The following SLC41A2 variants were observed in gnomAD, a reference collection of about 807,000 sequenced individuals.
SLC41A2 encodes solute carrier family 41 member 2, also known as SLC41A1-like 1.
A neutral mutation model predicts 58.3 loss-of-function variants in SLC41A2; 32 were observed. The ratio of observed to expected loss-of-function variants is 0.55; its 90% CI spans 0.41 to 0.74. The LOEUF is 0.74. Ranked by LOEUF, SLC41A2 falls within the 30% of genes least tolerant of loss-of-function variation. The probability of loss-of-function intolerance (pLI) is 0.00; values close to 1 mark genes in which losing one functional copy is unlikely to be tolerated. For missense variants in SLC41A2, 514 were observed against 680.6 expected (o/e 0.76, Z 2.72); for synonymous variants, 190 against 235.0 (o/e 0.81, Z 1.75).
chr12:104,850,467 T>A (rs2042758264), intron 8 of SLC41A2, among the ~76,000 whole-genome samples: 1 of 152,188 alleles, frequency 6.6e-6, no homozygotes, highest in South Asian at 2.1e-4. Context: ...ATCACCTATA[T>A]ATTGCCGGAT....
At chr12:104,926,560 C>T (rs2046848328) in intron 2 of SLC41A2, among the ~76,000 whole-genome samples, 2 of 150,994 alleles carry the variant, frequency 1.3e-5, no homozygotes, top group Admixed American at 1.3e-4. Context: ...TGCACTCCAG[C>T]CTGGGTGACA....
chr12:104,809,064 C>T (rs531104665), intron 10 of SLC41A2, among the ~76,000 whole-genome samples: 11 of 152,294 alleles, frequency 7.2e-5, no homozygotes, highest in Middle Eastern at 3.4e-3. Flanking sequence ...AGTTACTCAA[C>T]CTTTCTGACT....
chr12:104,894,045 AT>A (rs1273446777), intron 4 of SLC41A2, among the ~76,000 whole-genome samples: 1 of 152,212 alleles, frequency 6.6e-6, no homozygotes, highest in Non-Finnish European at 1.5e-5. Context: ...GGGGGGATGG[AT>A]ATACCATTTT....
chr12:104,839,837 C>T (rs1337108912), intron 10 of SLC41A2, among the ~76,000 whole-genome samples: 1 of 152,094 alleles, frequency 6.6e-6, no homozygotes, highest in Non-Finnish European at 1.5e-5. Context: ...AATCTTTTTG[C>T]CTCTTATAGG....
intron 10 of SLC41A2, among the ~76,000 whole-genome samples, chr12:104,831,434 T>G (rs2042032114): frequency 6.6e-6 from 1 of 152,186 alleles, no homozygotes; most frequent in Non-Finnish European, 1.5e-5. Flanking sequence ...ACAGTCATGC[T>G]CCAAATAATG....
intron 3 of SLC41A2, among the ~76,000 whole-genome samples, chr12:104,901,143 G>A (rs1205225985): frequency 6.6e-6 from 1 of 152,056 alleles, no homozygotes; most frequent in Non-Finnish European, 1.5e-5. Context: ...AGTAGAAAAG[G>A]ACTAATCAAA....
At chr12:104,874,178 A>G (rs1476284741) in intron 6 of SLC41A2, among the ~76,000 whole-genome samples, 1 of 148,226 alleles carries the variant, frequency 6.7e-6, no homozygotes, top group Middle Eastern at 3.6e-3. Flanking sequence ...GGTTCACACC[A>G]TTCTCCTGCC....
chr12:104,881,146 G>T (rs528847615), intron 6 of SLC41A2, among the ~76,000 whole-genome samples: 25 of 152,010 alleles, frequency 1.6e-4, no homozygotes, highest in Non-Finnish European at 3.5e-4. Context: ...GTATTTCTGT[G>T]GGATTGGTGG....
Position 104,844,582 on chromosome 12 carries a change from C to A in SLC41A2, c.1426G>T (p.Val476Leu). The change falls in exon 10 of 11, where the codon GTG becomes TTG. Residue 476 changes from valine (V) to leucine (L), a missense_variant. Coordinates refer to ENST00000258538, the MANE Select transcript of SLC41A2 (RefSeq NM_001352171.3). Reference sequence around the variant, plus strand: ...AGGAAAATTAAATGTCCAGGAATCACTAAAAGCAGTAGAACTTGAGCAGAC... The same window carrying A: ...AGGAAAATTAAATGTCCAGGAATCAATAAAAGCAGTAGAACTTGAGCAGAC... The part of the protein sequence containing the change: ...NKSAQVLLLL[V>L]IPGHLIFLYT... 1 of 1,562,892 alleles carries A rather than the reference C, an allele frequency of 6.4e-7. No individual in the cohort carries two copies. Among genetic ancestry groups the A allele is most frequent in the East Asian group, 2.3e-5 (1 of 42,894 alleles).
intron 8 of SLC41A2, among the ~76,000 whole-genome samples, chr12:104,853,911 A>ATTATTATTATTATTATTTTTTTTTTTTT: frequency 2.2e-4 from 13 of 59,492 alleles, no homozygotes; most frequent in Non-Finnish European, 2.9e-4. Context: ...TGCCTGGCTG[A>ATTATTATTATTATTATTTTTTTTTTTTT]TTTTTTTTTT....
At position 104,860,389 on chromosome 12, in the gene SLC41A2, T is replaced by C. The variant is rs1258894168; in HGVS notation, c.1255+902A>G. 2.0e-5 allele frequency among the ~76,000 whole-genome samples: 3 copies of C among 146,856 alleles called. No individual in the cohort carries two copies. In the East Asian group the frequency reaches 5.9e-4, roughly 29 times the overall value. Reference sequence around the variant, plus strand: ...CGTTCTGCACATGTATCCCAGAACTTAAACTAAAAAAAAAAAAAAAAATCC... The same window carrying C: ...CGTTCTGCACATGTATCCCAGAACTCAAACTAAAAAAAAAAAAAAAAATCC... On this transcript the variant is annotated intron_variant, in intron 8 of 10. Coordinates refer to ENST00000258538, the MANE Select transcript of SLC41A2 (RefSeq NM_001352171.3).
intron 1 of SLC41A2, among the ~76,000 whole-genome samples, chr12:104,951,735 A>C (rs975623719): frequency 6.6e-6 from 1 of 151,640 alleles, no homozygotes; most frequent in Non-Finnish European, 1.5e-5. Flanking sequence ...CATTAAGCTC[A>C]TATGATTGAT....
intron 8 of SLC41A2, chr12:104,851,755 A>G (rs1318231514): frequency 1.3e-5 from 2 of 152,178 alleles, no homozygotes; most frequent in Non-Finnish European, 2.9e-5. Flanking sequence ...ACTAGAAGTT[A>G]GAGGTGACTA....
chr12:104,878,606 T>G (rs1156478596), intron 6 of SLC41A2, among the ~76,000 whole-genome samples: 1 of 152,128 alleles, frequency 6.6e-6, no homozygotes, highest in Non-Finnish European at 1.5e-5. Flanking sequence ...AATGATGGTT[T>G]CCAGCTTCAT....
intron 1 of SLC41A2, among the ~76,000 whole-genome samples, chr12:104,944,355 A>G (rs1565921554): frequency 6.6e-6 from 1 of 152,222 alleles, no homozygotes; most frequent in Non-Finnish European, 1.5e-5. Flanking sequence ...TTACTGGGAC[A>G]CCTTCGTAAT....
chr12:104,878,710 C>T (rs2044193657), intron 6 of SLC41A2, among the ~76,000 whole-genome samples: 1 of 152,148 alleles, frequency 6.6e-6, no homozygotes, highest in African/African-American at 2.4e-5. Context: ...TCCAGTCTAT[C>T]ATTGTTGGAC....
intron 2 of SLC41A2, 73 bp from the exon 3 acceptor site, chr12:104,909,835 A>G: frequency 9.5e-7 from 1 of 1,057,172 alleles, no homozygotes; most frequent in Admixed American, 2.6e-5. Context: ...ACATTTCTAA[A>G]AATCTCAGCC....
chr12:104,852,627 GATGTT>G (rs1204956088), intron 8 of SLC41A2, among the ~76,000 whole-genome samples: 9 of 152,046 alleles, frequency 5.9e-5, no homozygotes, highest in African/African-American at 2.2e-4. Flanking sequence ...AGACATAACT[GATGTT>G]ATAATTGTAC....
At chr12:104,830,341 T>G (rs559068511) in intron 10 of SLC41A2, among the ~76,000 whole-genome samples, 2 of 152,340 alleles carry the variant, frequency 1.3e-5, no homozygotes, top group South Asian at 4.1e-4. Flanking sequence ...CCTACACATG[T>G]CCTCCTGAAT....
Sources: gnomAD v4.1 joint callset for allele counts (sites outside exome capture counted in the v4.1 genomes callset) on GRCh38, gnomAD v4.1.1 for gene constraint, MANE v1.5 for transcripts, NCBI Gene and HGNC (gene_info 2026-07-23, HGNC 2026-07-21) for gene names.